Variants in TMEM132D observed in about 807,000 individuals in gnomAD.
TMEM132D encodes transmembrane protein 132D.
TMEM132D carries 21 observed loss-of-function variants against 62.3 expected under a neutral mutation model. The ratio of observed to expected loss-of-function variants is 0.34; its 90% CI spans 0.24 to 0.49. The LOEUF is 0.49. TMEM132D is among the 20% of genes least tolerant of loss of function. The pLI is 0.99. For synonymous variants in TMEM132D, 621 were observed against 575.6 expected, an observed-to-expected ratio of 1.08 and a Z score of -1.13; for missense variants, 1,346 against 1,402.8, an observed-to-expected ratio of 0.96 and a Z score of 0.65.
chr12:129,111,957 C>T (rs1434809701), intron 5 of TMEM132D, among the ~76,000 whole-genome samples: 1 of 152,176 alleles, frequency 6.6e-6, no homozygotes, highest in Non-Finnish European at 1.5e-5. Context: ...TGGCACTCTT[C>T]ATCATGATGC....
intron 1 of TMEM132D, among the ~76,000 whole-genome samples, chr12:129,883,218 C>T (rs1874657525): frequency 6.6e-6 from 1 of 152,132 alleles, no homozygotes; most frequent in African/African-American, 2.4e-5. Flanking sequence ...AACTCAATTG[C>T]ATATCTATAA....
At chr12:129,605,604 T>TATATACACACACAC (rs150550863) in intron 2 of TMEM132D, among the ~76,000 whole-genome samples, 2 of 106,266 alleles carry the variant, frequency 1.9e-5, no homozygotes, top group East Asian at 2.3e-4. Flanking sequence ...TATATATATA[T>TATATACACACACAC]ACACACACAT....
intron 3 of TMEM132D, among the ~76,000 whole-genome samples, chr12:129,398,818 A>G (rs944208289): frequency 6.7e-6 from 1 of 148,446 alleles, no homozygotes; most frequent in Non-Finnish European, 1.5e-5. Context: ...TAGACAATGC[A>G]TATCTATTTA....
At chr12:129,653,836 A>G (rs1458530963) in intron 2 of TMEM132D, among the ~76,000 whole-genome samples, 1 of 152,206 alleles carries the variant, frequency 6.6e-6, no homozygotes, top group Admixed American at 6.5e-5. Context: ...ACGACCCAAT[A>G]GTGGGAAGTG....
rs764450706 is a variant in TMEM132D at position 129,700,470 on chromosome 12, T to C, written c.308A>G (p.Glu103Gly). ...CATTAAATCCTGGGGCACCACTTGC[T>C]CGATGGAGAAAGGCCCGTAGCTGGC... Reference protein sequence around the residue: ...LNASYGPFSIEQVVPQDLMLP... With the variant: ...LNASYGPFSIGQVVPQDLMLP... Residue 103 changes from glutamate (E) to glycine (G), a missense_variant, in exon 2 of 9, where the codon GAG (glutamate) becomes GGG (glycine). Transcript: ENST00000422113. 2 of 1,614,068 alleles carry C rather than the reference T, an allele frequency of 1.2e-6. No individual in the cohort carries two copies. Among genetic ancestry groups the C allele is most frequent in the Non-Finnish European group, 1.7e-6 (2 of 1,180,020 alleles).
Position 129,109,325 on chromosome 12 carries a change from C to T in TMEM132D, c.1444-24623G>A, listed in dbSNP as rs116720457. Among the ~76,000 whole-genome samples the T allele has an allele frequency of 9.3e-3, 1,421 of 152,306 alleles. 22 individuals are homozygous for T. Among genetic ancestry groups the T allele is most frequent in the African/African-American group, 0.032 (1,338 of 41,574 alleles). On this transcript the variant is annotated intron_variant, in intron 5 of 8. Transcript: ENST00000422113. ...GTGTGACCTTGGACAAGTCACTTAA[C>T]CTCTCTGTGCCTTGGTTGTCTCCTC...
At chr12:129,387,463 T>C (rs1871142874) in intron 3 of TMEM132D, among the ~76,000 whole-genome samples, 1 of 151,770 alleles carries the variant, frequency 6.6e-6, no homozygotes, top group African/African-American at 2.4e-5. Flanking sequence ...AGTAATACTA[T>C]GTGCCAACAC....
At chr12:129,313,154 G>T (rs938883716) in intron 4 of TMEM132D, among the ~76,000 whole-genome samples, 1 of 143,974 alleles carries the variant, frequency 6.9e-6, no homozygotes, top group African/African-American at 2.7e-5. Context: ...TCAGACAAGA[G>T]ACATACATTT....
At chr12:129,578,416 G>C (rs1877740655) in intron 2 of TMEM132D, among the ~76,000 whole-genome samples, 1 of 150,852 alleles carries the variant, frequency 6.6e-6, no homozygotes, top group African/African-American at 2.4e-5. Context: ...TTATGTGTGT[G>C]TGTGTGTGTA....
At chr12:129,210,250 C>T (rs751997842) in intron 4 of TMEM132D, 24 of 153,212 alleles carry the variant, frequency 1.6e-4, no homozygotes, top group Non-Finnish European at 3.1e-4. Flanking sequence ...TGAGCAGCAC[C>T]GCACCACCAG....
At chr12:129,090,861 T>C (rs1332061786) in intron 5 of TMEM132D, among the ~76,000 whole-genome samples, 1 of 152,174 alleles carries the variant, frequency 6.6e-6, no homozygotes, top group Non-Finnish European at 1.5e-5. Context: ...TTTCCAGTCC[T>C]TCCCACCCCA....
chr12:129,376,208 C>T (rs766886787), intron 3 of TMEM132D, among the ~76,000 whole-genome samples: 12 of 152,148 alleles, frequency 7.9e-5, no homozygotes, highest in Non-Finnish European at 1.5e-4. Context: ...TTAGTCCATT[C>T]TCATGCTGCT....
chr12:129,632,482 G>T (rs1241442218), intron 2 of TMEM132D, among the ~76,000 whole-genome samples: 1 of 152,130 alleles, frequency 6.6e-6, no homozygotes, highest in African/African-American at 2.4e-5. Context: ...AGTCTTCGGA[G>T]TTCTGTCTTC....
chr12:129,219,537 G>T lies in TMEM132D; in HGVS notation c.1300-9874C>A, dbSNP rs78134285. Among the ~76,000 whole-genome samples the T allele has an allele frequency of 0.012, 1,763 of 152,228 alleles. 80 individuals carry two copies. The East Asian group carries it at 0.13, about 11-fold the overall frequency. On this transcript the variant is annotated intron_variant, in intron 4 of 8. Transcript: ENST00000422113. ...CACCGGAGACAGCAGCTCCAGAAAT[G>T]GACTCAGTTGCTCCCATGCAAGGAG... is the stretch of plus-strand genomic sequence containing the variant.
intron 5 of TMEM132D, among the ~76,000 whole-genome samples, chr12:129,091,342 C>A (rs1874907779): frequency 6.8e-6 from 1 of 146,154 alleles, no homozygotes; most frequent in Admixed American, 6.8e-5. Flanking sequence ...CCTTACCTAT[C>A]CTCACCTGGG....
chr12:129,522,381 T>C (rs1206227074), intron 3 of TMEM132D, among the ~76,000 whole-genome samples: 3 of 152,172 alleles, frequency 2.0e-5, no homozygotes, highest in African/African-American at 7.2e-5. Flanking sequence ...CCTATAATTT[T>C]TCTTTCATTT....
In TMEM132D at chr12:129,497,627, G is replaced by C. The variant is rs139998766; in HGVS notation, c.1115+33432C>G. Reference sequence around the variant, plus strand: ...AAAAGCAGAAATCAGTTGTTCATTGGCTTTGAAAAGCTTATTAGAGCAATC... The same window carrying C: ...AAAAGCAGAAATCAGTTGTTCATTGCCTTTGAAAAGCTTATTAGAGCAATC... On this transcript the variant is annotated intron_variant, in intron 3 of 8. Transcript: ENST00000422113. Among the ~76,000 whole-genome samples, 336 of 151,812 alleles carry C rather than the reference G, an allele frequency of 2.2e-3. 3 individuals carry two copies. Among genetic ancestry groups the C allele is most frequent in the Admixed American group, 0.016 (238 of 15,254 alleles).
chr12:129,820,385 C>A (rs1349311236), intron 1 of TMEM132D, among the ~76,000 whole-genome samples: 2 of 152,148 alleles, frequency 1.3e-5, no homozygotes, highest in Non-Finnish European at 1.5e-5. Context: ...AGAGAATCTA[C>A]GTGGTTATTC....
At chr12:129,868,090 A>G (rs1328532079) in intron 1 of TMEM132D, among the ~76,000 whole-genome samples, 3 of 152,132 alleles carry the variant, frequency 2.0e-5, no homozygotes, top group Admixed American at 6.5e-5. Context: ...CAGCATTTCT[A>G]TGGTACACTT....
Sources: gnomAD v4.1 joint callset for allele counts (sites outside exome capture counted in the v4.1 genomes callset) on GRCh38, gnomAD v4.1.1 for gene constraint, MANE v1.5 for transcripts, NCBI Gene and HGNC (gene_info 2026-07-23, HGNC 2026-07-21) for gene names.